The following RPA1 variants were observed in gnomAD, a reference collection of about 807,000 sequenced individuals.
The protein encoded by RPA1 is replication protein A1, also known as replication protein A 70 kDa DNA-binding subunit.
In RPA1, 49 loss-of-function variants were observed where a neutral mutation model predicts 83.0. The observed-to-expected ratio is 0.59, with a 90% CI of 0.47 to 0.75. The LOEUF (loss-of-function observed/expected upper bound fraction) is 0.75. Among genes scored for constraint, RPA1 ranks in the 30% least tolerant of loss-of-function variants. The probability of loss-of-function intolerance (pLI) is 0.00; values close to 1 mark genes in which losing one functional copy is unlikely to be tolerated. For synonymous variants in RPA1, 279 were observed against 281.8 expected, an observed-to-expected ratio of 0.99 and a Z score of 0.10; for missense variants, 693 against 776.1, an observed-to-expected ratio of 0.89 and a Z score of 1.27.
chr17:1,897,361 G>A lies in RPA1; in HGVS notation c.*186G>A, dbSNP rs992569804. 1 of 572,234 alleles carries A rather than the reference G, an allele frequency of 1.7e-6. No homozygotes were observed. The allele number at this position is 572,234 out of a possible 1,614,324, so 35.4% of individuals were successfully genotyped here. On this transcript the variant is annotated 3_prime_UTR_variant, in exon 17 of 17. Coordinates refer to ENST00000254719, the MANE Select transcript of RPA1 (RefSeq NM_002945.5). ...AGGCAAAGGAAAATACGCTCAGGTG[G>A]TTGTGGTGTAGACTGTGTCAGGCCT...
rs1913905951 is a variant in RPA1 at position 1,884,051 on chromosome 17, CG to C, written c.1374+111del. On this transcript the variant is annotated intron_variant, in intron 13 of 16. Coordinates refer to ENST00000254719, the MANE Select transcript of RPA1 (RefSeq NM_002945.5). This position sits in a 1 kb window ranked among gnomAD's most constrained non-coding sequence, Gnocchi z 4.1. ...AGCTGTCAGAGCCGTAATTCTTACCCGGGGCTGTGACCTGAGCGTGGCATGG... is the reference window on the plus strand; with the variant it reads ...AGCTGTCAGAGCCGTAATTCTTACCCGGGCTGTGACCTGAGCGTGGCATGG... The C allele has an allele frequency of 4.0e-6, 6 of 1,489,716 alleles. No individual in the cohort carries two copies. The Admixed American group carries it at 7.5e-5, about 19-fold the overall frequency. The allele number at this position is 1,489,716 out of a possible 1,614,324, so 92.3% of individuals were successfully genotyped here. A position where few individuals can be genotyped will look rare whatever the true frequency, so the allele number is the denominator to read the frequency against.
intron 1 of RPA1, among the ~76,000 whole-genome samples, chr17:1,839,688 A>G (rs1319998234): frequency 1.3e-5 from 2 of 149,732 alleles, no homozygotes; most frequent in Non-Finnish European, 3.0e-5. Context: ...GCTGGAGTGC[A>G]GTGACATACA....
chr17:1,858,679 G>C (rs960975020), intron 5 of RPA1, among the ~76,000 whole-genome samples: 1 of 151,702 alleles, frequency 6.6e-6, no homozygotes, highest in Non-Finnish European at 1.5e-5. Context: ...TGGCCAGGCT[G>C]GTCTTGAACT....
chr17:1,885,799 C>G (rs1428970585), intron 13 of RPA1, among the ~76,000 whole-genome samples: 1 of 152,164 alleles, frequency 6.6e-6, no homozygotes, highest in African/African-American at 2.4e-5. Flanking sequence ...TTTACTTTCC[C>G]CAGATCCATC....
intron 7 of RPA1, among the ~76,000 whole-genome samples, chr17:1,876,196 AT>A (rs1913567087): frequency 1.3e-5 from 2 of 152,192 alleles, no homozygotes; most frequent in Non-Finnish European, 2.9e-5. Context: ...AATCTGCACT[AT>A]TTGTATTAAA....
chr17:1,859,636 T>G (rs2151278331), intron 5 of RPA1, among the ~76,000 whole-genome samples: 1 of 152,264 alleles, frequency 6.6e-6, no homozygotes, highest in South Asian at 2.1e-4. Flanking sequence ...TTTGTTTTGT[T>G]TTTTCTCTCC....
chr17:1,848,325 T>C (rs1351731564), intron 4 of RPA1, among the ~76,000 whole-genome samples: 1 of 151,604 alleles, frequency 6.6e-6, no homozygotes, highest in African/African-American at 2.4e-5. Context: ...TAAAGAATAA[T>C]TATCAGCCAG....
intron 11 of RPA1, among the ~76,000 whole-genome samples, 159 bp from the exon 12 acceptor site, chr17:1,880,384 T>C (rs914977551): frequency 6.6e-6 from 1 of 152,202 alleles, no homozygotes; most frequent in Admixed American, 6.5e-5. Flanking sequence ...TTTTGATGTG[T>C]CTCTGAGTAG....
intron 15 of RPA1, 36 bp from the exon 16 acceptor site, chr17:1,894,973 G>A (rs759253151): frequency 6.4e-7 from 1 of 1,563,706 alleles, no homozygotes; most frequent in South Asian, 1.1e-5. Flanking sequence ...TTGTCCAGTG[G>A]TTTCCATGTG....
chr17:1,884,192 A>G lies in RPA1; in HGVS notation c.1374+248A>G, dbSNP rs1055810798. On this transcript the variant is annotated intron_variant, in intron 13 of 16. Coordinates refer to ENST00000254719, the MANE Select transcript of RPA1 (RefSeq NM_002945.5). The surrounding 1 kb of genome is among the most constrained non-coding windows in gnomAD (Gnocchi z 4.1). ...AAGAACTCTTAGAGTCAATTCCTAG[A>G]GGGATCTTGGAGCAGGGGTGACAGT... Among the ~76,000 whole-genome samples the G allele has an allele frequency of 5.2e-4, 79 of 152,320 alleles. No homozygotes were observed. Among genetic ancestry groups the G allele is most frequent in the African/African-American group, 1.9e-3 (77 of 41,572 alleles).
chr17:1,852,884 G>A (rs1431114470), intron 4 of RPA1, among the ~76,000 whole-genome samples: 2 of 152,132 alleles, frequency 1.3e-5, no homozygotes, highest in Non-Finnish European at 2.9e-5. Context: ...GGTGCGTAGC[G>A]AGAACACTGC....
intron 5 of RPA1, among the ~76,000 whole-genome samples, chr17:1,869,696 G>T: frequency 6.6e-6 from 1 of 152,132 alleles, no homozygotes; most frequent in East Asian, 1.9e-4. Flanking sequence ...CAGAAGTTAA[G>T]TCTCTGCATT....
chr17:1,883,470 T>A (rs541917167), intron 12 of RPA1, among the ~76,000 whole-genome samples: 247 of 152,072 alleles, frequency 1.6e-3, no homozygotes, highest in Middle Eastern at 6.8e-3. Context: ...CTAAAAAAAA[T>A]TTTTTTAATG....
chr17:1,879,413 C>T lies in RPA1; in HGVS notation c.952+6C>T. 1.2e-6 allele frequency: 2 copies of T among 1,613,578 alleles called. No homozygotes were observed. The highest frequency in any genetic ancestry group is 1.7e-6 in the Non-Finnish European group (2 of 1,179,588). Reference sequence around the variant, plus strand: ...GTCGAAAGACTCACTTGTAGGTAAGCTCGTGTATGAGAAGGAAGAGCAGGG... The same window carrying T: ...GTCGAAAGACTCACTTGTAGGTAAGTTCGTGTATGAGAAGGAAGAGCAGGG... On this transcript the variant is annotated splice_donor_region_variant and intron_variant, in intron 10 of 16. Coordinates refer to ENST00000254719, the MANE Select transcript of RPA1 (RefSeq NM_002945.5).
chr17:1,865,554 C>T (rs909187760), intron 5 of RPA1, among the ~76,000 whole-genome samples: 5 of 152,278 alleles, frequency 3.3e-5, no homozygotes, highest in African/African-American at 1.2e-4. Flanking sequence ...AATGTAGTTA[C>T]ATGATTTAAA....
At chr17:1,872,610 A>G in intron 6 of RPA1, 84 bp downstream of exon 6, 1 of 1,543,356 alleles carries the variant, frequency 6.5e-7, no homozygotes, top group East Asian at 2.4e-5. Context: ...GACTAAAGGG[A>G]GTTTTCCAAA....
chr17:1,846,599 C>T (rs887667767), intron 4 of RPA1, among the ~76,000 whole-genome samples: 1 of 152,150 alleles, frequency 6.6e-6, no homozygotes, highest in African/African-American at 2.4e-5. Context: ...GGATTACAGG[C>T]GTGAGCCACC....
At chr17:1,854,419 A>G (rs1337880126) in intron 5 of RPA1, 1 of 152,198 alleles carries the variant, frequency 6.6e-6, no homozygotes, top group East Asian at 1.9e-4. Context: ...AAAATAGGAA[A>G]CCAGGTACGG....
chr17:1,836,894 G>T (rs1318632618), intron 1 of RPA1, among the ~76,000 whole-genome samples: 1 of 149,740 alleles, frequency 6.7e-6, no homozygotes, highest in African/African-American at 2.5e-5. Flanking sequence ...CTGGAGTGCA[G>T]TGGCGCAATC....
Sources: gnomAD v4.1 joint callset for allele counts (sites outside exome capture counted in the v4.1 genomes callset) on GRCh38, gnomAD v4.1.1 for gene constraint, Gnocchi (gnomAD v3.1) non-coding constraint, MANE v1.5 for transcripts, NCBI Gene and HGNC (gene_info 2026-07-23, HGNC 2026-07-21) for gene names.